SMARCA2: variants seen among roughly 807,000 people sequenced by gnomAD.
The protein encoded by SMARCA2 is SWI/SNF related BAF chromatin remodeling complex subunit ATPase 2.
Under a neutral mutation model 199.8 loss-of-function variants are expected in SMARCA2, and 61 were observed. The observed-to-expected ratio is 0.31, with a 90% CI of 0.25 to 0.38. The LOEUF is 0.38. Ranked by LOEUF, SMARCA2 falls within the 10% of genes least tolerant of loss-of-function variation. SMARCA2 has a pLI of 1.00. For synonymous variants in SMARCA2, 935 were observed against 732.0 expected (o/e 1.28, Z -4.48); for missense variants, 1,344 against 2,012.2 (o/e 0.67, Z 6.35).
intron 10 of SMARCA2, among the ~76,000 whole-genome samples, chr9:2,072,535 C>T (rs898967604): frequency 5.9e-5 from 9 of 152,318 alleles, no homozygotes; most frequent in African/African-American, 1.7e-4. Context: ...AAAAGGACAC[C>T]GGTTCTGCAG....
intron 19 of SMARCA2, among the ~76,000 whole-genome samples, chr9:2,091,763 T>A (rs1211382830): frequency 6.6e-6 from 1 of 152,186 alleles, no homozygotes; most frequent in African/African-American, 2.4e-5. Context: ...CATTAGTGCT[T>A]GCTATTGTCA....
At position 2,083,256 on chromosome 9, in the gene SMARCA2, G is replaced by T. The variant is rs929416997; in HGVS notation, c.2349-91G>T. On this transcript the variant is annotated intron_variant, in intron 15 of 33. Transcript: ENST00000349721. ...GTTATATTCTGTAGCCCCTTTCAAG[G>T]TGAGGCCTGAACATGAATAAGAACA... is the stretch of plus-strand genomic sequence containing the variant. 13 of 760,562 alleles carry T rather than the reference G, an allele frequency of 1.7e-5. No homozygotes were observed. In the African/African-American group the frequency reaches 2.0e-4, roughly 11 times the overall value. The allele number at this position is 760,562 out of a possible 1,614,324, so 47.1% of individuals were successfully genotyped here.
Position 2,097,601 on chromosome 9 carries a change from A to G in SMARCA2, c.3078+130A>G, listed in dbSNP as rs1353035599. ...ACATGTTGGCGGAAGTTGAGATGAC[A>G]TGATCTGATAGCTCGACAAGCAGAA... is the stretch of plus-strand genomic sequence containing the variant. On this transcript the variant is annotated intron_variant, in intron 21 of 33. Transcript: ENST00000349721. The G allele has an allele frequency of 8.5e-6, 5 of 590,916 alleles. No homozygotes were observed. In the African/African-American group the frequency reaches 9.4e-5, roughly 11 times the overall value. 36.6% of individuals were successfully genotyped at this position (590,916 alleles called of 1,614,324 possible). A position where few individuals can be genotyped will look rare whatever the true frequency, so the allele number is the denominator to read the frequency against.
At chr9:2,156,024 C>A (rs1436585154) in intron 27 of SMARCA2, among the ~76,000 whole-genome samples, 1 of 152,018 alleles carries the variant, frequency 6.6e-6, no homozygotes, top group East Asian at 1.9e-4. Context: ...CCCTTCAGAC[C>A]AACTCATCTC....
intron 19 of SMARCA2, among the ~76,000 whole-genome samples, chr9:2,091,909 G>T (rs1384036381): frequency 6.6e-6 from 1 of 152,082 alleles, no homozygotes; most frequent in Non-Finnish European, 1.5e-5. Flanking sequence ...GTATATAAAG[G>T]CCACGGTTTT....
chr9:2,173,868 C>T (rs1826392130), intron 29 of SMARCA2, among the ~76,000 whole-genome samples: 1 of 152,204 alleles, frequency 6.6e-6, no homozygotes, highest in Admixed American at 6.5e-5. Context: ...GTGGAGCACA[C>T]TTTGGGAAAT....
chr9:2,056,708 A>T lies in SMARCA2; in HGVS notation c.1210A>T (p.Thr404Ser). The change falls in exon 7 of 34, where the codon ACG becomes TCG. Residue 404 changes from threonine to serine, a missense_variant. Thr to Ser is a moderately conservative substitution (Grantham distance 58). Transcript: ENST00000349721. This position sits in a 1 kb window ranked among gnomAD's most constrained non-coding sequence, Gnocchi z 4.0. ...GGTGGTGGCCTGCATGCGCAGGGAC[A>T]CGACCCTGGAGACGGCTCTCAACTC... ...QEVVACMRRD[T>S]TLETALNSKA... is the part of the protein sequence containing the mutation. 1.2e-6 allele frequency: 2 copies of T among 1,614,176 alleles called. No homozygotes were observed. The highest frequency in any genetic ancestry group is 1.7e-6 in the Non-Finnish European group (2 of 1,180,020).
At chr9:2,098,111 T>A (rs912913667) in intron 21 of SMARCA2, among the ~76,000 whole-genome samples, 1 of 152,196 alleles carries the variant, frequency 6.6e-6, no homozygotes, top group African/African-American at 2.4e-5. Flanking sequence ...GTGGGCACAA[T>A]TGACTGGAGC....
intron 1 of SMARCA2, among the ~76,000 whole-genome samples, chr9:2,023,645 C>T (rs1244323794): frequency 1.3e-5 from 2 of 152,108 alleles, no homozygotes; most frequent in East Asian, 3.8e-4. Context: ...CCGCTTATCC[C>T]GACAACCTTG....
At chr9:2,138,434 A>T (rs1014074270) in intron 27 of SMARCA2, among the ~76,000 whole-genome samples, 1 of 152,218 alleles carries the variant, frequency 6.6e-6, no homozygotes. Flanking sequence ...TAAGGTCACT[A>T]TGCTCTTAGG....
chr9:2,023,397 G>A (rs1344404204), intron 1 of SMARCA2, among the ~76,000 whole-genome samples: 1 of 152,176 alleles, frequency 6.6e-6, no homozygotes, highest in Non-Finnish European at 1.5e-5. Flanking sequence ...ACAGAGCAAA[G>A]TTTTAATCTA....
chr9:2,054,821 C>A, intron 6 of SMARCA2, 98 bp downstream of exon 6: 2 of 1,255,038 alleles, frequency 1.6e-6, no homozygotes, highest in Non-Finnish European at 2.2e-6. Context: ...AATATTGTTA[C>A]AAAGATATAA....
intron 3 of SMARCA2, among the ~76,000 whole-genome samples, chr9:2,034,172 G>C (rs202072155): frequency 6.6e-6 from 1 of 151,116 alleles, no homozygotes; most frequent in Non-Finnish European, 1.5e-5. Flanking sequence ...TTGAACCCGG[G>C]GGCAGAGGTT....
chr9:2,062,130 A>C (rs1206083852), intron 9 of SMARCA2, among the ~76,000 whole-genome samples: 6 of 152,226 alleles, frequency 3.9e-5, no homozygotes, highest in Admixed American at 2.0e-4. Context: ...GGGGAAATAA[A>C]TCATATAAAT....
In SMARCA2 at chr9:2,181,572, T is replaced by TCAGGGCGACAGCTCAGTG; in HGVS notation, c.4256_4273dup (p.Ser1424_Glu1425insAlaGlyArgGlnLeuSer). ...TTGTTTGTTTCACCCATCCTACAGT[T>TCAGGGCGACAGCTCAGTG]CAGGGCGACAGCTCAGTGAAGTCTT... On this transcript the variant is annotated inframe_insertion and splice_region_variant, in exon 30 of 34. Transcript: ENST00000349721. 6.5e-7 allele frequency: 1 copy of TCAGGGCGACAGCTCAGTG among 1,546,034 alleles called. No individual in the cohort carries two copies. The highest frequency in any genetic ancestry group is 8.9e-7 in the Non-Finnish European group (1 of 1,117,996).
In SMARCA2 at chr9:2,182,213, G is replaced by A; in HGVS notation, c.4432G>A (p.Ala1478Thr). 1.2e-6 allele frequency: 2 copies of A among 1,613,106 alleles called. No homozygotes were observed. Among genetic ancestry groups the A allele is most frequent in the African/African-American group, 1.3e-5 (1 of 74,976 alleles). ...EKDVMLLCHN[A>T]QTFNLEGSQI... Reference sequence around the variant, plus strand: ...GGATGTCATGCTTCTCTGTCACAACGCTCAGACGTTCAACCTGGAGGGATC... The same window carrying A: ...GGATGTCATGCTTCTCTGTCACAACACTCAGACGTTCAACCTGGAGGGATC... The change falls in exon 31 of 34, where the codon GCT (alanine) becomes ACT (threonine). Residue 1478 changes from alanine (A) to threonine (T), a missense_variant. Coordinates refer to ENST00000349721, the MANE Select transcript of SMARCA2 (RefSeq NM_003070.5).
chr9:2,043,422 A>G (rs1250954424), intron 4 of SMARCA2: 1 of 152,124 alleles, frequency 6.6e-6, no homozygotes, highest in Non-Finnish European at 1.5e-5. Context: ...AATCTAACCC[A>G]TCATTTTTCT....
intron 28 of SMARCA2, among the ~76,000 whole-genome samples, chr9:2,165,165 C>T (rs1825874648): frequency 6.6e-6 from 1 of 152,204 alleles, no homozygotes; most frequent in East Asian, 1.9e-4. Context: ...TGCTAACCTC[C>T]TTCCCATCAC....
At chr9:2,023,415 T>C (rs1490838575) in intron 1 of SMARCA2, among the ~76,000 whole-genome samples, 1 of 152,204 alleles carries the variant, frequency 6.6e-6, no homozygotes, top group East Asian at 1.9e-4. Context: ...CTAACAACTT[T>C]TAAAAAACAT....
Sources: gnomAD v4.1 joint callset for allele counts (sites outside exome capture counted in the v4.1 genomes callset) on GRCh38, gnomAD v4.1.1 for gene constraint, Gnocchi (gnomAD v3.1) non-coding constraint, MANE v1.5 for transcripts, NCBI Gene and HGNC (gene_info 2026-07-23, HGNC 2026-07-21) for gene names.